RBMS3: variants seen among roughly 807,000 people sequenced by gnomAD.
RBMS3 encodes the protein RNA-binding motif, single-stranded-interacting protein 3.
In RBMS3, 27 loss-of-function variants were observed where a neutral mutation model predicts 66.8. The ratio of observed to expected loss-of-function variants is 0.40; its 90% CI spans 0.30 to 0.56. The LOEUF (loss-of-function observed/expected upper bound fraction) is 0.56, where lower values mean the gene tolerates loss of function less well. Among genes scored for constraint, RBMS3 ranks in the 20% least tolerant of loss-of-function variants. The pLI is 0.40. For missense variants in RBMS3, 513 were observed against 549.5 expected (o/e 0.93, Z 0.66); for synonymous variants, 188 against 183.0 (o/e 1.03, Z -0.22).
At chr3:29,473,033 C>T (rs1366190438) in intron 2 of RBMS3, among the ~76,000 whole-genome samples, 3 of 151,506 alleles carry the variant, frequency 2.0e-5, no homozygotes, top group African/African-American at 7.3e-5. Flanking sequence ...TAGCTAGATA[C>T]AGAGTGTAGA....
intron 1 of RBMS3, among the ~76,000 whole-genome samples, chr3:29,308,982 C>T (rs894551728): frequency 5.3e-5 from 8 of 151,456 alleles, no homozygotes; most frequent in African/African-American, 1.9e-4. Flanking sequence ...GACAGTAGAG[C>T]TAAGTAGAGA....
intron 4 of RBMS3, among the ~76,000 whole-genome samples, chr3:29,690,341 T>A (rs1045679389): frequency 1.3e-5 from 2 of 152,116 alleles, no homozygotes; most frequent in African/African-American, 4.8e-5. Flanking sequence ...TCCCAGGTAC[T>A]TGGGAAGTTG....
chr3:29,964,816 A>G (rs1485811114), intron 12 of RBMS3, among the ~76,000 whole-genome samples: 1 of 152,138 alleles, frequency 6.6e-6, no homozygotes, highest in Non-Finnish European at 1.5e-5. Flanking sequence ...TGGTGCACCC[A>G]TCACCCTAGC....
intron 2 of RBMS3, 48 bp downstream of exon 2, chr3:29,434,963 C>T (rs1281360428): frequency 3.9e-6 from 6 of 1,557,226 alleles, no homozygotes; most frequent in Non-Finnish European, 5.2e-6. Flanking sequence ...CCATACTTGC[C>T]TTGGTGGGCA....
intron 1 of RBMS3, among the ~76,000 whole-genome samples, chr3:29,309,742 A>G (rs1365991097): frequency 6.6e-6 from 1 of 151,612 alleles, no homozygotes; most frequent in Non-Finnish European, 1.5e-5. Context: ...TATTGGAAAG[A>G]GTTTAAGGTG....
intron 4 of RBMS3, among the ~76,000 whole-genome samples, chr3:29,609,256 T>C (rs898900397): frequency 9.2e-5 from 14 of 152,012 alleles, no homozygotes; most frequent in African/African-American, 3.4e-4. Flanking sequence ...CTTAATGTAG[T>C]ACTGGTCCAG....
intron 2 of RBMS3, among the ~76,000 whole-genome samples, chr3:29,472,309 C>A (rs7617674): frequency 0.4 from 61,125 of 151,508 alleles, 12,811 homozygotes; most frequent in African/African-American, 0.5. Flanking sequence ...GCGATTCCCG[C>A]CTCAGCTTCC....
chr3:29,818,610 C>T (rs2057985651), intron 6 of RBMS3, among the ~76,000 whole-genome samples: 1 of 151,982 alleles, frequency 6.6e-6, no homozygotes, highest in African/African-American at 2.4e-5. Context: ...CCAATGCGAC[C>T]TTGATTTCCT....
intron 3 of RBMS3, among the ~76,000 whole-genome samples, chr3:29,564,852 G>A (rs1243210317): frequency 6.6e-6 from 1 of 151,894 alleles, no homozygotes; most frequent in Non-Finnish European, 1.5e-5. Context: ...CATAGTTTGG[G>A]CTTAGATACA....
intron 4 of RBMS3, among the ~76,000 whole-genome samples, chr3:29,661,970 A>G (rs933103140): frequency 6.6e-6 from 1 of 152,214 alleles, no homozygotes; most frequent in African/African-American, 2.4e-5. Context: ...TACCGCAAAC[A>G]TTGTGCATCC....
In RBMS3 at chr3:29,739,861, G is replaced by C. The variant is rs1196377094; in HGVS notation, c.541G>C (p.Gly181Arg). The C allele has an allele frequency of 6.3e-7, 1 of 1,586,032 alleles. No homozygotes were observed. Among genetic ancestry groups the C allele is most frequent in the Admixed American group, 1.9e-5 (1 of 53,246 alleles). ...AAGAGACGCTAATGGAGTCAGCAGA[G>C]GTGTTGGCTTTGCCAGGTAAAATTC... is the stretch of plus-strand genomic sequence containing the variant. ...ILRDANGVSR[G>R]VGFARMESTE... Residue 181 changes from glycine to arginine, a missense_variant, in exon 5 of 15, where the codon GGT becomes CGT. Transcript: ENST00000383767.
intron 7 of RBMS3, among the ~76,000 whole-genome samples, chr3:29,874,360 G>A (rs181715940): frequency 1.8e-4 from 28 of 152,194 alleles, no homozygotes; most frequent in Admixed American, 7.9e-4. Flanking sequence ...TGGTAATACC[G>A]TCTAGGCTTA....
At chr3:29,780,870 G>A (rs1296622160) in intron 6 of RBMS3, among the ~76,000 whole-genome samples, 1 of 151,952 alleles carries the variant, frequency 6.6e-6, no homozygotes, top group Admixed American at 6.6e-5. Flanking sequence ...TCATTATCCA[G>A]ATCTACTTCA....
intron 1 of RBMS3, among the ~76,000 whole-genome samples, chr3:29,314,953 C>T (rs77353900): frequency 0.011 from 1,687 of 151,632 alleles, 33 homozygotes; most frequent in African/African-American, 0.037. Flanking sequence ...TTGGGGAACC[C>T]AGGATTGGGA....
intron 3 of RBMS3, among the ~76,000 whole-genome samples, chr3:29,529,399 G>GA (rs199695009): frequency 0.026 from 4,000 of 151,268 alleles, 78 homozygotes; most frequent in Middle Eastern, 0.072. Flanking sequence ...CAGAAAGAAG[G>GA]AAAAAAAACA....
intron 2 of RBMS3, among the ~76,000 whole-genome samples, chr3:29,477,773 TTTTC>T (rs1163434299): frequency 1.3e-5 from 2 of 152,090 alleles, no homozygotes; most frequent in Non-Finnish European, 2.9e-5. Context: ...TTCTTTTTCT[TTTTC>T]TTTTTTGAGA....
intron 3 of RBMS3, among the ~76,000 whole-genome samples, chr3:29,506,689 G>C (rs1346304871): frequency 1.3e-5 from 2 of 151,926 alleles, no homozygotes; most frequent in Non-Finnish European, 2.9e-5. Flanking sequence ...TGTTAACAGT[G>C]AAATCATCAG....
At chr3:29,844,000 A>G (rs2058722576) in intron 6 of RBMS3, among the ~76,000 whole-genome samples, 1 of 152,044 alleles carries the variant, frequency 6.6e-6, no homozygotes, top group Admixed American at 6.6e-5. Context: ...TCACAGTATA[A>G]TTTTACATCT....
intron 5 of RBMS3, among the ~76,000 whole-genome samples, chr3:29,742,207 AACTT>A (rs2054679556): frequency 6.6e-6 from 1 of 152,220 alleles, no homozygotes; most frequent in Admixed American, 6.5e-5. Context: ...GAAAGAATAA[AACTT>A]ACAAAGTTAT....
Sources: allele counts gnomAD v4.1 joint callset (sites outside exome capture counted in the v4.1 genomes callset), GRCh38; gene constraint gnomAD v4.1.1; transcripts MANE v1.5; gene names NCBI Gene and HGNC (gene_info 2026-07-23, HGNC 2026-07-21).